Variants in LRP2 observed in about 807,000 individuals in gnomAD.
LRP2 encodes low-density lipoprotein receptor-related protein 2.
Under a neutral mutation model 531.0 loss-of-function variants are expected in LRP2, and 172 were observed. The observed-to-expected ratio is 0.32, with a 90% CI of 0.29 to 0.37. The LOEUF (loss-of-function observed/expected upper bound fraction) is 0.37, where lower values mean the gene tolerates loss of function less well. Among genes scored for constraint, LRP2 ranks in the 10% least tolerant of loss-of-function variants. LRP2 has a pLI of 1.00. For synonymous variants in LRP2, 1,992 were observed against 2,027.6 expected, an observed-to-expected ratio of 0.98 and a Z score of 0.47; for missense variants, 5,167 against 5,868.3, an observed-to-expected ratio of 0.88 and a Z score of 3.90.
Position 169,269,439 on chromosome 2 carries a change from A to T in LRP2, c.2320+1465T>A, listed in dbSNP as rs140494541. Among the ~76,000 whole-genome samples the T allele has an allele frequency of 3.9e-3, 595 of 152,332 alleles. 11 individuals are homozygous for T. Among genetic ancestry groups the T allele is most frequent in the Admixed American group, 0.031 (470 of 15,302 alleles). ...CAATGGAACAGAATAGAGTCCTCAG[A>T]AATGATATCACACATCTACAACCAT... On this transcript the variant is annotated intron_variant, in intron 16 of 78. Transcript: ENST00000649046.
At chr2:169,277,150 C>CAT (rs1683577658) in intron 13 of LRP2, among the ~76,000 whole-genome samples, 1 of 140,916 alleles carries the variant, frequency 7.1e-6, no homozygotes, top group African/African-American at 2.7e-5. Flanking sequence ...ACCGAGATTG[C>CAT]ATCACTGCAC....
At chr2:169,221,918 G>T (rs950812045) in intron 33 of LRP2, among the ~76,000 whole-genome samples, 10 of 128,474 alleles carry the variant, frequency 7.8e-5, no homozygotes, top group African/African-American at 3.4e-4. Context: ...TCTCTCACAC[G>T]GCCATTCTGT....
rs768876882 is a variant in LRP2 at position 169,236,028 on chromosome 2, G to A, written c.4732C>T (p.Arg1578Cys). Residue 1578 changes from arginine to cysteine, a missense_variant, in exon 29 of 79, where the codon CGC becomes TGC. Physicochemically the swap from Arg to Cys is radical, Grantham distance 180. Transcript: ENST00000649046. ...CCGTCCATGCTGGCTCGCTCGATGC[G>A]AGGGTGGTGGCCCCAGTCAGACCAG... Reference protein sequence around the residue: ...LFWSDWGHHPRIERASMDGSM... With the variant: ...LFWSDWGHHPCIERASMDGSM... 24 of 1,614,016 alleles carry A rather than the reference G, an allele frequency of 1.5e-5. No homozygotes were observed. In the East Asian group the frequency reaches 1.8e-4, roughly 12 times the overall value.
In LRP2 at chr2:169,246,879, G is replaced by A; in HGVS notation, c.3016C>T (p.Leu1006=). 2 of 1,614,194 alleles carry A rather than the reference G, an allele frequency of 1.2e-6. No individual in the cohort carries two copies. Among genetic ancestry groups the A allele is most frequent in the Non-Finnish European group, 1.7e-6 (2 of 1,180,046 alleles). ...TCGCATGTCAAGTGATTGGAAGCCA[G>A]CCTCATTCCATAAGGGCACCCACAC... The part of the protein sequence containing the change: ...RVCGCPYGMR[L]ASNHLTCEGD... The change falls in exon 21 of 79, where the codon CTG becomes TTG. Residue 1006 remains leucine (L), a synonymous_variant. Coordinates refer to ENST00000649046, the MANE Select transcript of LRP2 (RefSeq NM_004525.3).
In LRP2 at chr2:169,166,053, C is replaced by G. The variant is rs751317152; in HGVS notation, c.11637G>C (p.Leu3879Phe). 3.1e-6 allele frequency: 5 copies of G among 1,613,880 alleles called. No homozygotes were observed. Among genetic ancestry groups the G allele is most frequent in the Non-Finnish European group, 4.2e-6 (5 of 1,179,826 alleles). ...GGTTTGGTGAATTACAGGGAACATC[C>G]ACTGAAAGGAAAGATAGAAAAATGA... ...DGSDEELHLC[L>F]DVPCNSPNRF... Residue 3879 changes from leucine to phenylalanine, a missense_variant and splice_region_variant, in exon 62 of 79, where the codon TTG becomes TTC. Leu to Phe is a conservative substitution (Grantham distance 22). Transcript: ENST00000649046.
At chr2:169,299,146 AG>A (rs1684219849) in intron 4 of LRP2, among the ~76,000 whole-genome samples, 1 of 30,336 alleles carries the variant, frequency 3.3e-5, no homozygotes, top group African/African-American at 8.6e-5. Context: ...AAAGAAAGAA[AG>A]AAAGAAAGAA....
chr2:169,325,071 AAAAG>A (rs1310540959), intron 1 of LRP2, among the ~76,000 whole-genome samples: 7 of 151,930 alleles, frequency 4.6e-5, no homozygotes, highest in African/African-American at 1.7e-4. Context: ...AAAAAAAAAA[AAAAG>A]AAAGAAAAAA....
At chr2:169,147,986 G>A (rs1336448853) in intron 68 of LRP2, among the ~76,000 whole-genome samples, 14 of 151,946 alleles carry the variant, frequency 9.2e-5, no homozygotes, top group Non-Finnish European at 2.1e-4. Flanking sequence ...AGCCAAATAT[G>A]TCCTATGGGC....
chr2:169,293,079 G>T (rs62171263), intron 6 of LRP2, among the ~76,000 whole-genome samples: 3 of 151,956 alleles, frequency 2.0e-5, no homozygotes, highest in Non-Finnish European at 2.9e-5. Context: ...GTCAGGCATG[G>T]CTCATTGAAA....
chr2:169,225,571 G>T (rs1198597859), intron 32 of LRP2, 118 bp from the exon 33 acceptor site: 1 of 1,205,578 alleles, frequency 8.3e-7, no homozygotes, highest in Non-Finnish European at 1.2e-6. Flanking sequence ...CTTACACTCA[G>T]AGGAAAGGCA....
chr2:169,331,926 C>T (rs568067622), intron 1 of LRP2, among the ~76,000 whole-genome samples: 3 of 152,238 alleles, frequency 2.0e-5, no homozygotes, highest in East Asian at 3.9e-4. Flanking sequence ...AAATAAATGA[C>T]AAGAGAGACT....
chr2:169,234,926 T>G (rs1483701592), intron 29 of LRP2, among the ~76,000 whole-genome samples: 1 of 131,084 alleles, frequency 7.6e-6, no homozygotes, highest in Non-Finnish European at 1.6e-5. Context: ...TTTTTTTTTT[T>G]GAAAACAGGG....
intron 9 of LRP2, among the ~76,000 whole-genome samples, chr2:169,287,891 A>G (rs1368946471): frequency 2.7e-5 from 4 of 150,682 alleles, no homozygotes; most frequent in African/African-American, 9.7e-5. Flanking sequence ...TATTAAAATA[A>G]TAATTTCAGA....
At chr2:169,354,752 T>G (rs1312580702) in intron 1 of LRP2, among the ~76,000 whole-genome samples, 1 of 152,198 alleles carries the variant, frequency 6.6e-6, no homozygotes, top group Non-Finnish European at 1.5e-5. Flanking sequence ...ATCTGGCATT[T>G]CTGAATTAAT....
At chr2:169,138,393 T>A (rs1685595498) in intron 75 of LRP2, among the ~76,000 whole-genome samples, 184 bp downstream of exon 75, 2 of 152,188 alleles carry the variant, frequency 1.3e-5, no homozygotes, top group Admixed American at 6.5e-5. Context: ...TCCAATGTTA[T>A]TACCAATGTT....
In LRP2 at chr2:169,206,508, G is replaced by A. The variant is rs1473451726; in HGVS notation, c.7212C>T (p.Asp2404=). ...GGAAAGGTGGGCTATGGTTTTCAGGGTCCAAGTGTAAGCTTCTCAAGGAAT... is the reference window on the plus strand; with the variant it reads ...GGAAAGGTGGGCTATGGTTTTCAGGATCCAAGTGTAAGCTTCTCAAGGAAT... ...LSNSLRSLHL[D]PENHSPPFQT... The change falls in exon 39 of 79, where the codon GAC becomes GAT. Residue 2404 remains aspartate (D), a synonymous_variant. Coordinates refer to ENST00000649046, the MANE Select transcript of LRP2 (RefSeq NM_004525.3). 5.6e-6 allele frequency: 9 copies of A among 1,614,164 alleles called. No individual in the cohort carries two copies. The highest frequency in any genetic ancestry group is 6.8e-6 in the Non-Finnish European group (8 of 1,180,028).
chr2:169,243,393 A>G lies in LRP2; in HGVS notation c.3550+10T>C, dbSNP rs1416857447. 6.2e-7 allele frequency: 1 copy of G among 1,614,028 alleles called. No individual in the cohort carries two copies. The highest frequency in any genetic ancestry group is 1.3e-5 in the African/African-American group (1 of 75,040). On this transcript the variant is annotated intron_variant, in intron 23 of 78. Coordinates refer to ENST00000649046, the MANE Select transcript of LRP2 (RefSeq NM_004525.3). ...AACATTGTGAATAAAAAAGAAGGCA[A>G]TGCACTTACCACAACCAACCTCATC...
At chr2:169,353,012 A>G (rs1363983082) in intron 1 of LRP2, among the ~76,000 whole-genome samples, 1 of 152,218 alleles carries the variant, frequency 6.6e-6, no homozygotes, top group African/African-American at 2.4e-5. Context: ...CACATTCTGC[A>G]TATGTATCCC....
At position 169,206,171 on chromosome 2, in the gene LRP2, C is replaced by A; in HGVS notation, c.7408G>T (p.Gly2470Cys). 1 of 1,614,158 alleles carries A rather than the reference C, an allele frequency of 6.2e-7. No homozygotes were observed. Among genetic ancestry groups the A allele is most frequent in the Non-Finnish European group, 8.5e-7 (1 of 1,180,022 alleles). Residue 2470 changes from glycine to cysteine, a missense_variant, in exon 40 of 79, where the codon GGC becomes TGC. Coordinates refer to ENST00000649046, the MANE Select transcript of LRP2 (RefSeq NM_004525.3). ...VIASGIGTAD[G>C]IAFDWITRRI... is the part of the protein sequence containing the mutation. ...CTAGTAATCCAGTCAAAGGCAATGC[C>A]ATCAGCAGTCCCTATACCTGGACAC...
Sources: gnomAD v4.1 joint callset for allele counts (sites outside exome capture counted in the v4.1 genomes callset) on GRCh38, gnomAD v4.1.1 for gene constraint, MANE v1.5 for transcripts, NCBI Gene and HGNC (gene_info 2026-07-23, HGNC 2026-07-21) for gene names.